The following UHRF1 variants were observed in gnomAD, a reference collection of about 807,000 sequenced individuals.
UHRF1 encodes the protein ubiquitin like with PHD and ring finger domains 1, also known as E3 ubiquitin-protein ligase UHRF1.
A neutral mutation model predicts 96.5 loss-of-function variants in UHRF1; 9 were observed. The observed-to-expected ratio is 0.09, with a 90% CI of 0.06 to 0.16. The LOEUF is 0.16. Among genes scored for constraint, UHRF1 ranks in the 10% least tolerant of loss-of-function variants. The probability of loss-of-function intolerance (pLI) is 1.00; values close to 1 mark genes in which losing one functional copy is unlikely to be tolerated. For synonymous variants in UHRF1, 455 were observed against 469.9 expected (o/e 0.97, Z 0.41); for missense variants, 626 against 1,131.1 (o/e 0.55, Z 6.40).
At chr19:4,910,359 G>GGGGGGCCGGCAAGGAGT (rs1568403936) in intron 1 of UHRF1, 1 of 151,628 alleles carries the variant, frequency 6.6e-6, no homozygotes, top group South Asian at 2.1e-4. Flanking sequence ...CGGCAAGGAG[G>GGGGGGCCGGCAAGGAGT]GGGGGCGTGG....
At chr19:4,929,137 A>C in intron 2 of UHRF1, 85 bp from the exon 3 acceptor site, 1 of 1,506,560 alleles carries the variant, frequency 6.6e-7, no homozygotes, top group Non-Finnish European at 9.0e-7. Context: ...GGGCTGGGAC[A>C]CAGTGTTTGG....
In UHRF1 at chr19:4,961,942, G is replaced by A. The variant is rs2033997157; in HGVS notation, c.*1139G>A. 1 of 151,140 alleles carries A rather than the reference G, an allele frequency of 6.6e-6. No individual in the cohort carries two copies. The highest frequency in any genetic ancestry group is 1.5e-5 in the Non-Finnish European group (1 of 67,800). 9.4% of individuals were successfully genotyped at this position (151,140 alleles called of 1,614,324 possible). A position where few individuals can be genotyped will look rare whatever the true frequency, so the allele number is the denominator to read the frequency against. ...AATTTTTCTAATTTTACCAAAGTTTGCAGCCTATACCTCAATAAAACAGGG... is the reference window on the plus strand; with the variant it reads ...AATTTTTCTAATTTTACCAAAGTTTACAGCCTATACCTCAATAAAACAGGG... On this transcript the variant is annotated 3_prime_UTR_variant, in exon 17 of 17. Coordinates refer to ENST00000650932, the MANE Select transcript of UHRF1 (RefSeq NM_001048201.3).
At chr19:4,945,361 C>T (rs929778156) in intron 9 of UHRF1, among the ~76,000 whole-genome samples, 2 of 152,106 alleles carry the variant, frequency 1.3e-5, no homozygotes, top group South Asian at 2.1e-4. Flanking sequence ...TGGGTTCAAG[C>T]GATTCTCCTG....
At position 4,947,099 on chromosome 19, in the gene UHRF1, T is replaced by C; in HGVS notation, c.1411-6T>C. On this transcript the variant is annotated splice_polypyrimidine_tract_variant and splice_region_variant and intron_variant, in intron 10 of 16. Coordinates refer to ENST00000650932, the MANE Select transcript of UHRF1 (RefSeq NM_001048201.3). ...AGGGTTCACCCAGCCTTCTTGTCTG[T>C]TTCAGGACCATGGGAATTTTTTCAC... 1 of 1,612,724 alleles carries C rather than the reference T, an allele frequency of 6.2e-7. No individual in the cohort carries two copies. Among genetic ancestry groups the C allele is most frequent in the Non-Finnish European group, 8.5e-7 (1 of 1,179,248 alleles).
rs997581959 is a variant in UHRF1, at chr19:4,961,949, A to G, written c.*1146A>G. The G allele has an allele frequency of 1.3e-5, 2 of 152,236 alleles. No homozygotes were observed. Among genetic ancestry groups the G allele is most frequent in the Non-Finnish European group, 2.9e-5 (2 of 68,038 alleles). The allele number at this position is 152,236 out of a possible 1,614,324, so 9.4% of individuals were successfully genotyped here. ...CTAATTTTACCAAAGTTTGCAGCCT[A>G]TACCTCAATAAAACAGGGATATTTT... is the stretch of plus-strand genomic sequence containing the variant. On this transcript the variant is annotated 3_prime_UTR_variant, in exon 17 of 17. Transcript: ENST00000650932.
chr19:4,956,063 T>C (rs17880386), intron 15 of UHRF1, among the ~76,000 whole-genome samples: 32,773 of 151,892 alleles, frequency 0.22, 4,821 homozygotes, highest in East Asian at 0.73. Context: ...GCCTCCCAAG[T>C]ACCTGGGATT....
intron 11 of UHRF1, among the ~76,000 whole-genome samples, chr19:4,947,593 T>A (rs1036053144): frequency 3.6e-5 from 5 of 140,112 alleles, no homozygotes; most frequent in Admixed American, 3.2e-4. Context: ...CTCTGCCTCC[T>A]GGGCTCAAGC....
At chr19:4,940,070 A>G (rs1336587816) in intron 5 of UHRF1, among the ~76,000 whole-genome samples, 8 of 151,874 alleles carry the variant, frequency 5.3e-5, no homozygotes, top group Non-Finnish European at 1.2e-4. Flanking sequence ...GGTACAAAAG[A>G]AGAATGTAAA....
rs1222158210 is a variant in UHRF1 at position 4,959,754 on chromosome 19, GT to G, written c.2236-902del. Among the ~76,000 whole-genome samples the G allele has an allele frequency of 2.0e-5, 3 of 152,192 alleles. No individual in the cohort carries two copies. In the South Asian group the frequency reaches 6.2e-4, roughly 32 times the overall value. On this transcript the variant is annotated intron_variant, in intron 16 of 16. Coordinates refer to ENST00000650932, the MANE Select transcript of UHRF1 (RefSeq NM_001048201.3). Reference sequence around the variant, plus strand: ...GTCTTGCTTTGTCGCTCAGGCTGGAGTGCAATGGCGTGATCATGGCTCACTG... The same window carrying G: ...GTCTTGCTTTGTCGCTCAGGCTGGAGGCAATGGCGTGATCATGGCTCACTG...
upstream of UHRF1, chr19:4,909,498 A>C (rs922495032): frequency 1.5e-6 from 1 of 656,552 alleles, no homozygotes; most frequent in African/African-American, 1.9e-5. Context: ...CGGGAAAAAA[A>C]TCAGAGCAGC....
intron 16 of UHRF1, among the ~76,000 whole-genome samples, chr19:4,960,160 T>G (rs2033953390): frequency 6.6e-6 from 1 of 152,240 alleles, no homozygotes; most frequent in Admixed American, 6.5e-5. Context: ...GCCTGATGTG[T>G]GTGTTTATTA....
chr19:4,926,766 A>AG (rs1156619523), intron 2 of UHRF1, among the ~76,000 whole-genome samples: 8 of 147,586 alleles, frequency 5.4e-5, no homozygotes, highest in African/African-American at 8.0e-5. Flanking sequence ...TCCTTTCTAA[A>AG]GGAAAAAAAA....
chr19:4,931,625 C>G (rs554794386), intron 4 of UHRF1, among the ~76,000 whole-genome samples: 1 of 149,992 alleles, frequency 6.7e-6, no homozygotes, highest in Non-Finnish European at 1.5e-5. Flanking sequence ...GTGGCCACCA[C>G]GCCTGGCTAA....
intron 2 of UHRF1, among the ~76,000 whole-genome samples, chr19:4,913,573 A>G (rs1323717656): frequency 6.6e-6 from 1 of 151,910 alleles, no homozygotes; most frequent in African/African-American, 2.4e-5. Context: ...TGTGCTTTTA[A>G]TTGTCAGGAT....
upstream of UHRF1, among the ~76,000 whole-genome samples, chr19:4,906,517 G>A (rs1331640300): frequency 3.3e-5 from 5 of 152,180 alleles, no homozygotes; most frequent in African/African-American, 1.2e-4. Context: ...ACTTTGGGAA[G>A]TCCAGGCGGG....
At chr19:4,955,063 GC>G (rs2033820838) in intron 15 of UHRF1, among the ~76,000 whole-genome samples, 1 of 151,666 alleles carries the variant, frequency 6.6e-6, no homozygotes, top group Non-Finnish European at 1.5e-5. Flanking sequence ...TCGCTCCCCA[GC>G]CCCGGCAACT....
rs1230408133 is a variant in UHRF1, at chr19:4,961,168, T to G, written c.*365T>G. ...TCAGAAGTTGCTGCCACCAACTCTT[T>G]AAGAAGGCGACAGGATCAGTCCTTC... On this transcript the variant is annotated 3_prime_UTR_variant, in exon 17 of 17. Transcript: ENST00000650932. The G allele has an allele frequency of 1.1e-5, 1 of 92,018 alleles. No homozygotes were observed. Among genetic ancestry groups the G allele is most frequent in the African/African-American group, 6.8e-5 (1 of 14,688 alleles). 5.7% of individuals were successfully genotyped at this position (92,018 alleles called of 1,614,324 possible).
chr19:4,952,010 G>T (rs912350345), intron 13 of UHRF1, among the ~76,000 whole-genome samples: 1 of 152,202 alleles, frequency 6.6e-6, no homozygotes, highest in Non-Finnish European at 1.5e-5. Context: ...GATTTGTACG[G>T]TGGGGAATTT....
chr19:4,904,020 A>G (rs2032006088), intron 1 of UHRF1, among the ~76,000 whole-genome samples: 1 of 151,884 alleles, frequency 6.6e-6, no homozygotes, highest in Non-Finnish European at 1.5e-5. Context: ...TCTGTTGCCC[A>G]GGCTGGAGTG....
Sources: allele counts gnomAD v4.1 joint callset (sites outside exome capture counted in the v4.1 genomes callset), GRCh38; gene constraint gnomAD v4.1.1; transcripts MANE v1.5; gene names NCBI Gene and HGNC (gene_info 2026-07-23, HGNC 2026-07-21).